The following TMEM53 variants were observed in gnomAD, a reference collection of about 807,000 sequenced individuals.
TMEM53 encodes the protein transmembrane protein 53, also known as novel DUF829 domain-containing protein.
A neutral mutation model predicts 21.4 loss-of-function variants in TMEM53; 14 were observed. That is an observed-to-expected ratio of 0.65 (90% CI 0.43 to 1.02). The LOEUF is 1.02. Among genes scored for constraint, TMEM53 ranks in the 50% least tolerant of loss-of-function variants. The pLI is 0.00. For synonymous variants in TMEM53, 148 were observed against 157.4 expected, an observed-to-expected ratio of 0.94 and a Z score of 0.45; for missense variants, 323 against 383.6, an observed-to-expected ratio of 0.84 and a Z score of 1.32.
rs1341329788 is a variant in TMEM53 at position 44,655,860 on chromosome 1, T to C, written c.184-651A>G. Among the ~76,000 whole-genome samples, 2 of 152,170 alleles carry C rather than the reference T, an allele frequency of 1.3e-5. No homozygotes were observed. The highest frequency in any genetic ancestry group is 1.3e-4 in the Admixed American group (2 of 15,276). ...GGACCTGACACTCAAATGTCCCTGG[T>C]TCCCCGGCCTGGGATCACTCCTCAT... On this transcript the variant is annotated intron_variant, in intron 2 of 2. Coordinates refer to ENST00000372237, the MANE Select transcript of TMEM53 (RefSeq NM_024587.4). The surrounding 1 kb of genome is among the most constrained non-coding windows in gnomAD (Gnocchi z 4.4).
intron 2 of TMEM53, among the ~76,000 whole-genome samples, 194 bp downstream of exon 2, chr1:44,659,980 T>C (rs1056980510): frequency 4.1e-5 from 6 of 147,956 alleles, no homozygotes; most frequent in African/African-American, 1.5e-4. Context: ...TGCCTCAGCC[T>C]CCCAAGTAGC....
intron 1 of TMEM53, among the ~76,000 whole-genome samples, chr1:44,672,417 G>A (rs1645009689): frequency 6.6e-6 from 1 of 152,152 alleles, no homozygotes; most frequent in Admixed American, 6.5e-5. Flanking sequence ...CAAAACCTCA[G>A]CTCCTTGGGC....
intron 2 of TMEM53, 44 bp downstream of exon 2, chr1:44,660,130 C>T (rs1164343437): frequency 6.3e-7 from 1 of 1,591,758 alleles, no homozygotes; most frequent in Admixed American, 1.7e-5. Context: ...CAAAGGTGGT[C>T]AGCCCTCACG....
chr1:44,657,224 G>C (rs1157264595), intron 2 of TMEM53, among the ~76,000 whole-genome samples: 1 of 152,034 alleles, frequency 6.6e-6, no homozygotes, highest in African/African-American at 2.4e-5. Context: ...AAGAGTTCTG[G>C]ATTTAAAAGA....
At chr1:44,659,820 C>T (rs1644883142) in intron 2 of TMEM53, among the ~76,000 whole-genome samples, 1 of 151,544 alleles carries the variant, frequency 6.6e-6, no homozygotes, top group African/African-American at 2.4e-5. Flanking sequence ...GATAATCCCA[C>T]CAAGTCCCTA....
chr1:44,659,508 T>C (rs1263744140), intron 2 of TMEM53, among the ~76,000 whole-genome samples: 1 of 152,222 alleles, frequency 6.6e-6, no homozygotes, highest in African/African-American at 2.4e-5. Context: ...GAATCTCTTT[T>C]CCAAGAGGCC....
chr1:44,674,436 C>T lies in TMEM53; in HGVS notation c.-45G>A. On this transcript the variant is annotated 5_prime_UTR_variant, in exon 1 of 3. Transcript: ENST00000372237. ...AGCACGGGTCTCCAGCCGGAACTCC[C>T]GCTTGCGCACCCGTGCCTCACCCGG... 6.3e-7 allele frequency: 1 copy of T among 1,582,810 alleles called. No homozygotes were observed. Among genetic ancestry groups the T allele is most frequent in the Admixed American group, 1.8e-5 (1 of 54,532 alleles).
intron 1 of TMEM53, among the ~76,000 whole-genome samples, chr1:44,663,081 C>T (rs1644915385): frequency 1.3e-5 from 2 of 152,194 alleles, no homozygotes; most frequent in South Asian, 4.1e-4. Flanking sequence ...GAGATAGGGT[C>T]TCGCTCTGTT....
At chr1:44,662,900 G>A (rs958731332) in intron 1 of TMEM53, among the ~76,000 whole-genome samples, 2 of 152,154 alleles carry the variant, frequency 1.3e-5, no homozygotes, top group South Asian at 2.1e-4. Context: ...CTGAGGCTGG[G>A]ATTTGTAACT....
At chr1:44,657,190 A>C (rs1056965988) in intron 2 of TMEM53, among the ~76,000 whole-genome samples, 3 of 152,046 alleles carry the variant, frequency 2.0e-5, no homozygotes, top group Admixed American at 2.0e-4. Context: ...TGAGACCTTG[A>C]ATCTAAAATC....
chr1:44,669,445 AG>A (rs1295383262), intron 1 of TMEM53, among the ~76,000 whole-genome samples: 6 of 152,216 alleles, frequency 3.9e-5, no homozygotes, highest in African/African-American at 1.2e-4. Context: ...GTATTCAGGC[AG>A]CCCCTCCTAA....
Position 44,655,275 on chromosome 1 carries a change from G to T in TMEM53, c.184-66C>A. On this transcript the variant is annotated intron_variant, in intron 2 of 2. Transcript: ENST00000372237. The surrounding 1 kb of genome is among the most constrained non-coding windows in gnomAD (Gnocchi z 4.4). ...GGGTAGTGGGTACAAGCTAAGGTCA[G>T]AGGGGCCCAGCAACCCCAGCCTGTA... The T allele has an allele frequency of 6.8e-7, 1 of 1,480,304 alleles. No homozygotes were observed. The highest frequency in any genetic ancestry group is 9.1e-7 in the Non-Finnish European group (1 of 1,104,246). 91.7% of individuals were successfully genotyped at this position (1,480,304 alleles called of 1,614,324 possible).
At chr1:44,661,561 T>A (rs1451519168) in intron 1 of TMEM53, among the ~76,000 whole-genome samples, 1 of 152,146 alleles carries the variant, frequency 6.6e-6, no homozygotes. Context: ...GACATGAGGC[T>A]GACTCTGGCC....
In TMEM53 at chr1:44,655,926, C is replaced by T. The variant is rs1644845614; in HGVS notation, c.184-717G>A. 6.6e-6 allele frequency among the ~76,000 whole-genome samples: 1 copy of T among 152,148 alleles called. No individual in the cohort carries two copies. The highest frequency in any genetic ancestry group is 2.1e-4 in the South Asian group (1 of 4,822). The stretch of plus-strand genomic sequence containing the variant: ...CCAAATACAGTAAACACTTGTTCCT[C>T]GAATTCTATAATCTGGGCCCAAACT... On this transcript the variant is annotated intron_variant, in intron 2 of 2. Transcript: ENST00000372237. The surrounding 1 kb of genome is among the most constrained non-coding windows in gnomAD (Gnocchi z 4.4).
intron 1 of TMEM53, among the ~76,000 whole-genome samples, chr1:44,660,706 T>C (rs547040253): frequency 0.016 from 2,411 of 151,684 alleles, 83 homozygotes; most frequent in Admixed American, 0.066. Flanking sequence ...AAAAATCGGC[T>C]GGGCGCGGTG....
At chr1:44,663,573 C>T (rs965046206) in intron 1 of TMEM53, among the ~76,000 whole-genome samples, 1 of 152,170 alleles carries the variant, frequency 6.6e-6, no homozygotes, top group African/African-American at 2.4e-5. Context: ...TTATTCATTG[C>T]CACATCAGGA....
intron 1 of TMEM53, among the ~76,000 whole-genome samples, chr1:44,661,755 A>G (rs895602692): frequency 2.0e-5 from 3 of 152,044 alleles, no homozygotes; most frequent in Non-Finnish European, 4.4e-5. Context: ...CCCCACCCTA[A>G]ACTACTCCAG....
At chr1:44,660,445 C>T in intron 1 of TMEM53, 150 bp from the exon 2 acceptor site, 1 of 1,146,856 alleles carries the variant, frequency 8.7e-7, no homozygotes. Context: ...GCACCAGTTC[C>T]CACCCCGTGC....
At chr1:44,662,320 C>G (rs1224655756) in intron 1 of TMEM53, among the ~76,000 whole-genome samples, 1 of 152,226 alleles carries the variant, frequency 6.6e-6, no homozygotes, top group Non-Finnish European at 1.5e-5. Context: ...GCCCTCCCGG[C>G]CTCCACAGGT....
Sources: allele counts gnomAD v4.1 joint callset (sites outside exome capture counted in the v4.1 genomes callset), GRCh38; gene constraint gnomAD v4.1.1; non-coding constraint Gnocchi (gnomAD v3.1); transcripts MANE v1.5; gene names NCBI Gene and HGNC (gene_info 2026-07-23, HGNC 2026-07-21).